SYT9: variants seen among roughly 807,000 people sequenced by gnomAD.
SYT9 encodes the protein synaptotagmin-9.
A neutral mutation model predicts 48.4 loss-of-function variants in SYT9; 22 were observed. The observed-to-expected ratio is 0.45, with a 90% confidence interval of 0.32 to 0.65. SYT9 has a LOEUF of 0.65. Among genes scored for constraint, SYT9 ranks in the 30% least tolerant of loss-of-function variants. SYT9 has a pLI of 0.03. For synonymous variants in SYT9, 265 were observed against 245.0 expected, an observed-to-expected ratio of 1.08 and a Z score of -0.76; for missense variants, 577 against 622.0, an observed-to-expected ratio of 0.93 and a Z score of 0.77.
At chr11:7,359,928 T>C (rs951488323) in intron 3 of SYT9, among the ~76,000 whole-genome samples, 82 of 152,204 alleles carry the variant, frequency 5.4e-4, no homozygotes, top group African/African-American at 1.7e-3. Context: ...TCCTTGCCCA[T>C]GCCTATGTCC....
At chr11:7,339,483 C>G (rs1849680131) in intron 3 of SYT9, among the ~76,000 whole-genome samples, 1 of 152,160 alleles carries the variant, frequency 6.6e-6, no homozygotes, top group Non-Finnish European at 1.5e-5. Context: ...TTTGCACTGA[C>G]TGCTAACAGC....
intron 1 of SYT9, among the ~76,000 whole-genome samples, chr11:7,258,946 C>T (rs1004609682): frequency 7.2e-5 from 11 of 152,058 alleles, no homozygotes; most frequent in Admixed American, 2.0e-4. Flanking sequence ...TCTGTGTCCT[C>T]ATTTTCTCAT....
At chr11:7,262,800 A>C (rs892464018) in intron 1 of SYT9, among the ~76,000 whole-genome samples, 1 of 152,236 alleles carries the variant, frequency 6.6e-6, no homozygotes, top group African/African-American at 2.4e-5. Context: ...TGGCTGTAAA[A>C]GAGATTGAAG....
chr11:7,415,241 C>T lies in SYT9; in HGVS notation c.1045-801C>T, dbSNP rs926751609. On this transcript the variant is annotated intron_variant, in intron 3 of 6. Transcript: ENST00000318881. ...TGCAAGGAGGCTGTGCGGGACTAGGCGAGTACTTGGCTGTGTCCAGGGCTC... is the reference window on the plus strand; with the variant it reads ...TGCAAGGAGGCTGTGCGGGACTAGGTGAGTACTTGGCTGTGTCCAGGGCTC... 3.9e-5 allele frequency among the ~76,000 whole-genome samples: 6 copies of T among 152,140 alleles called. No homozygotes were observed. The East Asian group carries it at 5.8e-4, about 15-fold the overall frequency.
chr11:7,429,536 G>A (rs998486113), intron 6 of SYT9, among the ~76,000 whole-genome samples: 14 of 152,142 alleles, frequency 9.2e-5, no homozygotes, highest in Admixed American at 7.9e-4. Context: ...GTATGTAAAC[G>A]TATATATTCC....
intron 3 of SYT9, among the ~76,000 whole-genome samples, chr11:7,402,161 A>G (rs1377963024): frequency 6.6e-6 from 1 of 152,030 alleles, no homozygotes; most frequent in Non-Finnish European, 1.5e-5. Context: ...GTCTATGAGT[A>G]AATTTTAATT....
chr11:7,347,481 C>T (rs1165761686), intron 3 of SYT9, among the ~76,000 whole-genome samples: 5 of 152,116 alleles, frequency 3.3e-5, no homozygotes, highest in Non-Finnish European at 5.9e-5. Context: ...GCGATCCACC[C>T]ACCTCAGCCT....
At chr11:7,452,323 C>T (rs1384155400) in intron 6 of SYT9, among the ~76,000 whole-genome samples, 1 of 152,196 alleles carries the variant, frequency 6.6e-6, no homozygotes, top group Non-Finnish European at 1.5e-5. Context: ...CTTCTCACTC[C>T]TGATTCTGTT....
intron 3 of SYT9, among the ~76,000 whole-genome samples, chr11:7,333,076 C>T (rs1849569290): frequency 6.6e-6 from 1 of 152,216 alleles, no homozygotes; most frequent in Non-Finnish European, 1.5e-5. Flanking sequence ...ACAATACAGC[C>T]TTACTGTCCA....
chr11:7,357,244 A>G (rs1850037996), intron 3 of SYT9, among the ~76,000 whole-genome samples: 1 of 152,156 alleles, frequency 6.6e-6, no homozygotes, highest in African/African-American at 2.4e-5. Context: ...ATATGATCCT[A>G]TTTGCATCTA....
At chr11:7,395,709 A>G (rs1371080568) in intron 3 of SYT9, among the ~76,000 whole-genome samples, 1 of 152,018 alleles carries the variant, frequency 6.6e-6, no homozygotes, top group Non-Finnish European at 1.5e-5. Context: ...TTCTCCATCC[A>G]TTTACTTTGA....
intron 6 of SYT9, among the ~76,000 whole-genome samples, chr11:7,429,547 C>T (rs80352588): frequency 0.021 from 3,241 of 152,258 alleles, 135 homozygotes; most frequent in African/African-American, 0.074. Context: ...TATATATTCC[C>T]TTGGTTGTGT....
intron 3 of SYT9, among the ~76,000 whole-genome samples, chr11:7,404,131 T>A (rs1846957860): frequency 6.6e-6 from 1 of 152,156 alleles, no homozygotes; most frequent in African/African-American, 2.4e-5. Flanking sequence ...TTATTTTTAT[T>A]AGTGTTAATT....
intron 3 of SYT9, among the ~76,000 whole-genome samples, chr11:7,342,184 C>A (rs1276104004): frequency 7.2e-5 from 11 of 152,126 alleles, no homozygotes; most frequent in Admixed American, 7.2e-4. Context: ...TCTCCCAAAT[C>A]TCATGTCCTC....
At chr11:7,311,463 G>A (rs147595985) in intron 2 of SYT9, among the ~76,000 whole-genome samples, 542 of 152,322 alleles carry the variant, frequency 3.6e-3, no homozygotes, top group Non-Finnish European at 6.0e-3. Flanking sequence ...AACCATCTGC[G>A]GAGCAGCAGA....
At chr11:7,243,786 T>C (rs1847764881) in intron 1 of SYT9, among the ~76,000 whole-genome samples, 1 of 152,184 alleles carries the variant, frequency 6.6e-6, no homozygotes, top group South Asian at 2.1e-4. Flanking sequence ...GCTAGTTGGA[T>C]AGTCTACAAC....
chr11:7,368,205 A>G (rs1343876888), intron 3 of SYT9, among the ~76,000 whole-genome samples: 1 of 152,248 alleles, frequency 6.6e-6, no homozygotes. Context: ...ATCCATCTGA[A>G]TAAAGTAACA....
intron 1 of SYT9, among the ~76,000 whole-genome samples, chr11:7,259,434 C>T (rs1159604262): frequency 1.3e-5 from 2 of 151,862 alleles, no homozygotes; most frequent in African/African-American, 2.4e-5. Flanking sequence ...CCCCTGTTTC[C>T]TTTTGGGAAA....
At chr11:7,310,444 ATTTT>A (rs34469345) in intron 2 of SYT9, among the ~76,000 whole-genome samples, 15 of 115,042 alleles carry the variant, frequency 1.3e-4, no homozygotes, top group African/African-American at 2.4e-4. Flanking sequence ...CATAACTGTG[ATTTT>A]TTTTTTTTTT....
Sources: gnomAD v4.1 joint callset for allele counts (sites outside exome capture counted in the v4.1 genomes callset) on GRCh38, gnomAD v4.1.1 for gene constraint, MANE v1.5 for transcripts, NCBI Gene and HGNC (gene_info 2026-07-23, HGNC 2026-07-21) for gene names.